CABP5: variants seen among roughly 807,000 people sequenced by gnomAD.
CABP5 encodes the protein calcium-binding protein 5.
Under a neutral mutation model 21.9 loss-of-function variants are expected in CABP5, and 17 were observed. That is an observed-to-expected ratio of 0.78 (90% CI 0.53 to 1.17). The LOEUF (loss-of-function observed/expected upper bound fraction) is 1.17, where lower values mean the gene tolerates loss of function less well. CABP5 is among the 50% of genes most tolerant of loss of function. The pLI is 0.00. For synonymous variants in CABP5, 85 were observed against 79.4 expected, an observed-to-expected ratio of 1.07 and a Z score of -0.37; for missense variants, 229 against 228.9, an observed-to-expected ratio of 1.00 and a Z score of 0.00.
chr19:48,043,734 C>A (rs1967513398), intron 1 of CABP5, 126 bp downstream of exon 1: 3 of 766,696 alleles, frequency 3.9e-6, no homozygotes, highest in Admixed American at 8.7e-5. Flanking sequence ...TTTCTTATAC[C>A]TTCTCAGCTC....
chr19:48,032,691 T>C (rs1425513236), intron 5 of CABP5, among the ~76,000 whole-genome samples: 3 of 149,880 alleles, frequency 2.0e-5, no homozygotes, highest in Non-Finnish European at 3.0e-5. Flanking sequence ...AGTGCAGTGG[T>C]GTGACCTCGG....
At chr19:48,041,453 AAG>A (rs1967480590) in intron 2 of CABP5, 118 bp downstream of exon 2, 2 of 962,696 alleles carry the variant, frequency 2.1e-6, no homozygotes, top group Admixed American at 4.4e-5. Flanking sequence ...GTTGAGTGGG[AAG>A]AGAGAGGGAT....
chr19:48,040,880 A>G, intron 2 of CABP5, 132 bp from the exon 3 acceptor site: 2 of 878,524 alleles, frequency 2.3e-6, no homozygotes, highest in East Asian at 2.6e-5. Flanking sequence ...AAACAAAACA[A>G]AACAAAAAAA....
At chr19:48,041,034 G>A (rs1319843071) in intron 2 of CABP5, among the ~76,000 whole-genome samples, 2 of 152,018 alleles carry the variant, frequency 1.3e-5, no homozygotes, top group African/African-American at 2.4e-5. Context: ...AAAATTAGCT[G>A]GGCATGGTGG....
chr19:48,036,082 G>C (rs558622740), intron 4 of CABP5, among the ~76,000 whole-genome samples: 2 of 152,248 alleles, frequency 1.3e-5, no homozygotes, highest in Non-Finnish European at 2.9e-5. Context: ...GCTCAAGAAG[G>C]AGAGTTCACT....
Position 48,034,202 on chromosome 19 carries a change from C to A in CABP5, c.496+13G>T, listed in dbSNP as rs1351380641. ...GGCTGCCCCCGCTCCCCACCACGCCCCGTCAATGTCACCTTCAAAGTCAAC... is the reference window on the plus strand; with the variant it reads ...GGCTGCCCCCGCTCCCCACCACGCCACGTCAATGTCACCTTCAAAGTCAAC... On this transcript the variant is annotated intron_variant, in intron 5 of 5. Coordinates refer to ENST00000293255, the MANE Select transcript of CABP5 (RefSeq NM_019855.5). 12 of 1,546,974 alleles carry A rather than the reference C, an allele frequency of 7.8e-6. No individual in the cohort carries two copies. Among genetic ancestry groups the A allele is most frequent in the Non-Finnish European group, 1.0e-5 (12 of 1,145,428 alleles).
rs552815036 is a variant in CABP5 at position 48,042,943 on chromosome 19, G to A, written c.63+917C>T. Among the ~76,000 whole-genome samples, 5 of 152,182 alleles carry A rather than the reference G, an allele frequency of 3.3e-5. No homozygotes were observed. In the East Asian group the frequency reaches 9.7e-4, roughly 29 times the overall value. ...TATGCCCACATATCTGGACAAGTTG[G>A]TATATATGGAAAAATAAAAAAATTT... On this transcript the variant is annotated intron_variant, in intron 1 of 5. Coordinates refer to ENST00000293255, the MANE Select transcript of CABP5 (RefSeq NM_019855.5).
At chr19:48,042,136 GGCATTCACCT>G (rs1163852381) in intron 1 of CABP5, among the ~76,000 whole-genome samples, 1 of 152,130 alleles carries the variant, frequency 6.6e-6, no homozygotes, top group Non-Finnish European at 1.5e-5. Flanking sequence ...AAGGGAGGAA[GGCATTCACCT>G]GCTCCCTGGA....
Position 48,043,893 on chromosome 19 carries a change from G to C in CABP5, c.30C>G (p.Ile10Met), listed in dbSNP as rs924878898. The C allele has an allele frequency of 3.3e-5, 49 of 1,497,530 alleles. No individual in the cohort carries two copies. The highest frequency in any genetic ancestry group is 4.4e-5 in the African/African-American group (3 of 67,774). The allele number at this position is 1,497,530 out of a possible 1,614,324, so 92.8% of individuals were successfully genotyped here. Residue 10 changes from isoleucine (I) to methionine (M), a missense_variant, in exon 1 of 6, where the codon ATC becomes ATG. By Grantham distance (10) the Ile-to-Met change is conservative. Coordinates refer to ENST00000293255, the MANE Select transcript of CABP5 (RefSeq NM_019855.5). ...TCTCAGCAATGCCTTTCCTCAAGAA[G>C]ATGCAGGCGGGGCCCATGGGGAACT... The part of the protein sequence containing the change: MQFPMGPAC[I>M]FLRKGIAEKQ...
chr19:48,031,059 A>G (rs1967334272), intron 5 of CABP5, among the ~76,000 whole-genome samples: 1 of 152,122 alleles, frequency 6.6e-6, no homozygotes, highest in Non-Finnish European at 1.5e-5. Context: ...GGTTATTATT[A>G]TGCTCCTACT....
Position 48,037,035 on chromosome 19 carries a change from G to T in CABP5, c.348+2173C>A, listed in dbSNP as rs192468838. On this transcript the variant is annotated intron_variant, in intron 4 of 5. Transcript: ENST00000293255. The stretch of plus-strand genomic sequence containing the variant: ...AGCTATTATGGAAAATGGTATGGAG[G>T]TTCCTTAGAAAATTAAACCTAGAGC... 6.7e-3 allele frequency among the ~76,000 whole-genome samples: 1,024 copies of T among 152,162 alleles called. 6 individuals are homozygous for T. Among genetic ancestry groups the T allele is most frequent in the Non-Finnish European group, 0.012 (803 of 67,998 alleles).
At position 48,041,597 on chromosome 19, in the gene CABP5, G is replaced by A; in HGVS notation, c.70C>T (p.Pro24Ser). The A allele has an allele frequency of 6.2e-7, 1 of 1,611,192 alleles. No homozygotes were observed. Among genetic ancestry groups the A allele is most frequent in the Non-Finnish European group, 8.5e-7 (1 of 1,179,196 alleles). The change falls in exon 2 of 6, where the codon CCA (proline) becomes TCA (serine). Residue 24 changes from proline to serine, a missense_variant. Pro to Ser is a moderately conservative substitution (Grantham distance 74). Coordinates refer to ENST00000293255, the MANE Select transcript of CABP5 (RefSeq NM_019855.5). ...KGIAEKQRER[P>S]LGQDEIEELR... is the part of the protein sequence containing the mutation. ...CCTTCAATCTCATCTTGTCCCAGTGGTCTTTCCTGGAAAGGAATGCAGATG... is the reference window on the plus strand; with the variant it reads ...CCTTCAATCTCATCTTGTCCCAGTGATCTTTCCTGGAAAGGAATGCAGATG...
Position 48,043,929 on chromosome 19 carries a change from G to A in CABP5, c.-7C>T. 1.3e-6 allele frequency: 2 copies of A among 1,508,966 alleles called. No individual in the cohort carries two copies. The highest frequency in any genetic ancestry group is 1.8e-6 in the Non-Finnish European group (2 of 1,135,216). The allele number at this position is 1,508,966 out of a possible 1,614,324, so 93.5% of individuals were successfully genotyped here. A position where few individuals can be genotyped will look rare whatever the true frequency, so the allele number is the denominator to read the frequency against. ...GGCCCATGGGGAACTGCATGGAGGG[G>A]TGGGGTGGAGCTCGCAGGGCACCAG... On this transcript the variant is annotated 5_prime_UTR_variant, in exon 1 of 6. Transcript: ENST00000293255.
rs1349037935 is a variant in CABP5 at position 48,043,969 on chromosome 19, C to T, written c.-47G>A. 8.2e-6 allele frequency: 12 copies of T among 1,458,846 alleles called. No individual in the cohort carries two copies. Among genetic ancestry groups the T allele is most frequent in the Non-Finnish European group, 1.1e-5 (12 of 1,094,056 alleles). 90.4% of individuals were successfully genotyped at this position (1,458,846 alleles called of 1,614,324 possible). ...CAGGGCACCAGTCTCAAGATGGCCC[C>T]TCCTCCCTGCTCCCTGTCGGAGCTC... On this transcript the variant is annotated 5_prime_UTR_variant, in exon 1 of 6. Transcript: ENST00000293255.
Position 48,044,032 on chromosome 19 carries a change from T to C in CABP5, c.-110A>G, listed in dbSNP as rs1206591928. On this transcript the variant is annotated 5_prime_UTR_variant, in exon 1 of 6. Transcript: ENST00000293255. ...TTCTCCAGCACTCCTTTGCCACCTC[T>C]TCCTGCCTCTCTTGGCTTCTCCTTC... is the stretch of plus-strand genomic sequence containing the variant. The C allele has an allele frequency of 2.3e-6, 2 of 888,560 alleles. No individual in the cohort carries two copies. Among genetic ancestry groups the C allele is most frequent in the South Asian group, 1.9e-5 (1 of 51,376 alleles). 55.0% of individuals were successfully genotyped at this position (888,560 alleles called of 1,614,324 possible).
At position 48,035,985 on chromosome 19, in the gene CABP5, C is replaced by T. The variant is rs1025515213; in HGVS notation, c.349-1623G>A. 3.9e-5 allele frequency among the ~76,000 whole-genome samples: 6 copies of T among 152,036 alleles called. No homozygotes were observed. In the South Asian group the frequency reaches 1.2e-3, roughly 32 times the overall value. ...TAGAGAACAGACCACAGTAGGACCACGATGGGAGCCAGGAAACCAATTAGA... is the reference window on the plus strand; with the variant it reads ...TAGAGAACAGACCACAGTAGGACCATGATGGGAGCCAGGAAACCAATTAGA... On this transcript the variant is annotated intron_variant, in intron 4 of 5. Transcript: ENST00000293255.
intron 4 of CABP5, among the ~76,000 whole-genome samples, chr19:48,038,691 G>A (rs1419257774): frequency 6.6e-6 from 1 of 152,072 alleles, no homozygotes; most frequent in Non-Finnish European, 1.5e-5. Context: ...GCTGGGTGTG[G>A]TATCGCGCAC....
intron 4 of CABP5, among the ~76,000 whole-genome samples, chr19:48,038,258 C>T (rs1452430804): frequency 6.6e-6 from 1 of 152,098 alleles, no homozygotes; most frequent in African/African-American, 2.4e-5. Context: ...ACTTGCACAG[C>T]CAATAGGTGG....
intron 5 of CABP5, among the ~76,000 whole-genome samples, chr19:48,030,882 C>T (rs1214458732): frequency 1.3e-5 from 2 of 150,864 alleles, no homozygotes; most frequent in African/African-American, 2.5e-5. Context: ...AATCCCAGAA[C>T]TTTGGGAGGC....
Sources: allele counts gnomAD v4.1 joint callset (sites outside exome capture counted in the v4.1 genomes callset), GRCh38; gene constraint gnomAD v4.1.1; transcripts MANE v1.5; gene names NCBI Gene and HGNC (gene_info 2026-07-23, HGNC 2026-07-21).